The following SPIC variants were observed in gnomAD, a reference collection of about 807,000 sequenced individuals.
SPIC encodes Spi-C transcription factor.
Under a neutral mutation model 16.7 loss-of-function variants are expected in SPIC, and 9 were observed. That is an observed-to-expected ratio of 0.54 (90% CI 0.33 to 0.94). SPIC has a LOEUF of 0.94. Among genes scored for constraint, SPIC ranks in the 40% least tolerant of loss-of-function variants. The pLI is 0.03. For missense variants in SPIC, 241 were observed against 285.8 expected (o/e 0.84, Z 1.13); for synonymous variants, 97 against 102.9 (o/e 0.94, Z 0.35).
intron 3 of SPIC, among the ~76,000 whole-genome samples, chr12:101,479,186 AAG>A (rs1303301905): frequency 1.6e-5 from 2 of 124,642 alleles, no homozygotes; most frequent in African/African-American, 6.4e-5. Flanking sequence ...GAAAGAAAGA[AAG>A]AAAGAAAGAA....
intron 1 of SPIC, among the ~76,000 whole-genome samples, chr12:101,476,581 T>A (rs1433338187): frequency 6.6e-6 from 1 of 152,116 alleles, no homozygotes; most frequent in Non-Finnish European, 1.5e-5. Flanking sequence ...CTCTTATCAA[T>A]CAAGCAGCTC....
In SPIC at chr12:101,479,219, A is replaced by G. The variant is rs867896202; in HGVS notation, c.98-363A>G. Reference sequence around the variant, plus strand: ...AAGAAAGAAAGAAAGAAAGAAAGAAAGAAGGAAAGAAAGAAAGAAAGAAAA... The same window carrying G: ...AAGAAAGAAAGAAAGAAAGAAAGAAGGAAGGAAAGAAAGAAAGAAAGAAAA... On this transcript the variant is annotated intron_variant, in intron 3 of 5. Coordinates refer to ENST00000551346, the MANE Select transcript of SPIC (RefSeq NM_152323.3). Among the ~76,000 whole-genome samples, 752 of 83,140 alleles carry G rather than the reference A, an allele frequency of 9.0e-3. 36 individuals carry two copies. The highest frequency in any genetic ancestry group is 0.015 in the Non-Finnish European group (505 of 33,800). The allele number at this position is 83,140 out of a possible 152,430, so 54.5% of individuals were successfully genotyped here. A position where few individuals can be genotyped will look rare whatever the true frequency, so the allele number is the denominator to read the frequency against.
At chr12:101,481,766 G>A (rs554391216) in intron 4 of SPIC, among the ~76,000 whole-genome samples, 40 of 151,032 alleles carry the variant, frequency 2.6e-4, no homozygotes, top group Admixed American at 1.5e-3. Flanking sequence ...CACCCACCTC[G>A]GCCTCCCAAA....
intron 5 of SPIC, among the ~76,000 whole-genome samples, chr12:101,483,885 G>C (rs1231121568): frequency 6.6e-6 from 1 of 151,912 alleles, no homozygotes; most frequent in Non-Finnish European, 1.5e-5. Context: ...TACCATGCCT[G>C]GCCATATAAT....
Position 101,477,539 on chromosome 12 carries a change from T to A in SPIC, c.4-19T>A. The A allele has an allele frequency of 6.2e-7, 1 of 1,609,876 alleles. No homozygotes were observed. The highest frequency in any genetic ancestry group is 8.5e-7 in the Non-Finnish European group (1 of 1,176,288). ...ATTGGTAATTCGAAAACTCCAGAAT[T>A]CTATCATTGTTCCAACAGACGTGTG... is the stretch of plus-strand genomic sequence containing the variant. On this transcript the variant is annotated intron_variant, in intron 2 of 5. Transcript: ENST00000551346.
chr12:101,475,418 T>G lies in SPIC; in HGVS notation c.-162T>G, dbSNP rs1593488757. The G allele has an allele frequency of 1.3e-5, 2 of 152,156 alleles. No homozygotes were observed. Among genetic ancestry groups the G allele is most frequent in the African/African-American group, 4.8e-5 (2 of 41,444 alleles). 9.4% of individuals were successfully genotyped at this position (152,156 alleles called of 1,614,324 possible). A position where few individuals can be genotyped will look rare whatever the true frequency, so the allele number is the denominator to read the frequency against. Reference sequence around the variant, plus strand: ...CAGAGCCATTGCACTGGAAAATAATTTTTTATTTTCATGATAGCCTACCGT... The same window carrying G: ...CAGAGCCATTGCACTGGAAAATAATGTTTTATTTTCATGATAGCCTACCGT... On this transcript the variant is annotated 5_prime_UTR_variant, in exon 1 of 6. The change creates a new upstream start codon in the 5' untranslated region. Coordinates refer to ENST00000551346, the MANE Select transcript of SPIC (RefSeq NM_152323.3).
chr12:101,477,802 A>T (rs913287071), intron 3 of SPIC, 151 bp downstream of exon 3: 1 of 644,258 alleles, frequency 1.6e-6, no homozygotes, highest in Non-Finnish European at 2.7e-6. Flanking sequence ...AGATCACTTA[A>T]GACCAGGAAT....
At chr12:101,477,410 C>G (rs980030923) in intron 2 of SPIC, 148 bp from the exon 3 acceptor site, 1 of 692,754 alleles carries the variant, frequency 1.4e-6, no homozygotes, top group African/African-American at 1.8e-5. Flanking sequence ...GCACAGGCAG[C>G]CCCCCTGACA....
At chr12:101,485,765 T>C (rs548990562) in intron 5 of SPIC, among the ~76,000 whole-genome samples, 171 of 152,196 alleles carry the variant, frequency 1.1e-3, no homozygotes, top group Non-Finnish European at 2.1e-3. Flanking sequence ...TTTTGCTCAA[T>C]GTTGTTCTGT....
At chr12:101,482,741 G>C in intron 4 of SPIC, 51 bp from the exon 5 acceptor site, 1 of 1,538,456 alleles carries the variant, frequency 6.5e-7, no homozygotes, top group African/African-American at 1.4e-5. Context: ...GCCTATAATA[G>C]GGGGCAACAG....
chr12:101,480,614 A>G (rs911783589), intron 4 of SPIC, among the ~76,000 whole-genome samples: 1 of 152,194 alleles, frequency 6.6e-6, no homozygotes, highest in Non-Finnish European at 1.5e-5. Context: ...ACTACCTTCA[A>G]TCACACCATG....
At chr12:101,476,993 C>A in intron 2 of SPIC, 86 bp downstream of exon 2, 2 of 701,380 alleles carry the variant, frequency 2.9e-6, no homozygotes, top group Non-Finnish European at 4.3e-6. Context: ...TCTTTACTCT[C>A]CCTCCATTTT....
intron 5 of SPIC, 55 bp from the exon 6 acceptor site, chr12:101,486,289 G>A: frequency 6.6e-7 from 1 of 1,522,666 alleles, no homozygotes; most frequent in Non-Finnish European, 8.9e-7. Context: ...CCTTTCTGAG[G>A]ATGTTCTCGG....
intron 3 of SPIC, among the ~76,000 whole-genome samples, chr12:101,479,329 A>AAGAAAGAAAG (rs1873110688): frequency 6.7e-6 from 1 of 149,198 alleles, no homozygotes; most frequent in Non-Finnish European, 1.5e-5. Flanking sequence ...GAAAGAAAGA[A>AAGAAAGAAAG]AGAAAGAAAG....
rs117814122 is a variant in SPIC at position 101,482,586 on chromosome 12, A to C, written c.211-206A>C. On this transcript the variant is annotated intron_variant, in intron 4 of 5. Coordinates refer to ENST00000551346, the MANE Select transcript of SPIC (RefSeq NM_152323.3). Reference sequence around the variant, plus strand: ...AGGACATGACACTCCTCACAAAGCCAAGGATTACCCTCTGTCCCCTGGTCC... The same window carrying C: ...AGGACATGACACTCCTCACAAAGCCCAGGATTACCCTCTGTCCCCTGGTCC... Among the ~76,000 whole-genome samples, 9 of 152,110 alleles carry C rather than the reference A, an allele frequency of 5.9e-5. No homozygotes were observed. The East Asian group carries it at 1.2e-3, about 20-fold the overall frequency.
intron 5 of SPIC, 101 bp from the exon 6 acceptor site, chr12:101,486,243 C>T (rs1377722181): frequency 1.7e-6 from 2 of 1,172,326 alleles, no homozygotes; most frequent in East Asian, 2.4e-5. Flanking sequence ...AAACCAGTCT[C>T]GATGCAGCTT....
intron 5 of SPIC, among the ~76,000 whole-genome samples, chr12:101,484,328 G>C (rs1015534454): frequency 1.3e-5 from 2 of 151,814 alleles, no homozygotes; most frequent in Admixed American, 6.6e-5. Context: ...GGGGTCAGGA[G>C]TTCGAGACGA....
intron 5 of SPIC, among the ~76,000 whole-genome samples, chr12:101,485,900 G>T (rs1873349804): frequency 6.6e-6 from 1 of 152,166 alleles, no homozygotes; most frequent in African/African-American, 2.4e-5. Context: ...GTTCGAGGGA[G>T]AATCCTCAGG....
In SPIC at chr12:101,486,897, A is replaced by G. The variant is rs1354549973; in HGVS notation, c.*126A>G. Reference sequence around the variant, plus strand: ...GATTTTTCTCTTAAAGCAAATACTAAAGAGGAAAAAAAATTAACTTTATTG... The same window carrying G: ...GATTTTTCTCTTAAAGCAAATACTAGAGAGGAAAAAAAATTAACTTTATTG... On this transcript the variant is annotated 3_prime_UTR_variant, in exon 6 of 6. Transcript: ENST00000551346. 5.4e-6 allele frequency: 4 copies of G among 740,276 alleles called. No homozygotes were observed. The highest frequency in any genetic ancestry group is 8.2e-6 in the Non-Finnish European group (4 of 489,296). 45.9% of individuals were successfully genotyped at this position (740,276 alleles called of 1,614,324 possible). A position where few individuals can be genotyped will look rare whatever the true frequency, so the allele number is the denominator to read the frequency against.
Sources: allele counts gnomAD v4.1 joint callset (sites outside exome capture counted in the v4.1 genomes callset), GRCh38; gene constraint gnomAD v4.1.1; transcripts MANE v1.5; gene names NCBI Gene and HGNC (gene_info 2026-07-23, HGNC 2026-07-21).